MYO15A: variants seen among roughly 807,000 people sequenced by gnomAD.
MYO15A encodes the protein unconventional myosin-XV.
MYO15A carries 308 observed loss-of-function variants against 394.6 expected under a neutral mutation model. The ratio of observed to expected loss-of-function variants is 0.78; its 90% CI spans 0.71 to 0.86. MYO15A has a LOEUF of 0.86. Ranked by LOEUF, MYO15A falls within the 40% of genes least tolerant of loss-of-function variation. MYO15A has a pLI of 0.00. For missense variants in MYO15A, 4,606 were observed against 4,799.1 expected (o/e 0.96, Z 1.19); for synonymous variants, 1,957 against 2,003.8 (o/e 0.98, Z 0.62).
chr17:18,157,105 G>A, intron 49 of MYO15A, 40 bp downstream of exon 49: 1 of 1,612,250 alleles, frequency 6.2e-7, no homozygotes, highest in Non-Finnish European at 8.5e-7. Flanking sequence ...GGAGGGGGAG[G>A]CTGGCCAAGG....
At chr17:18,177,214 C>T (rs2047026519) in intron 65 of MYO15A, 1 of 152,184 alleles carries the variant, frequency 6.6e-6, no homozygotes, top group African/African-American at 2.4e-5. Flanking sequence ...CAGCTCTGGC[C>T]CTCACAGAGC....
intron 62 of MYO15A, among the ~76,000 whole-genome samples, chr17:18,168,795 T>G (rs1450687159): frequency 3.9e-5 from 6 of 151,984 alleles, no homozygotes; most frequent in Non-Finnish European, 7.4e-5. Context: ...TCAAGACCTT[T>G]TTACACTCTT....
intron 17 of MYO15A, 54 bp downstream of exon 17, chr17:18,138,300 T>C: frequency 6.3e-7 from 1 of 1,591,658 alleles, no homozygotes; most frequent in Non-Finnish European, 8.5e-7. Flanking sequence ...CTCAGCCTCA[T>C]GTCCTCATCC....
chr17:18,135,556 G>T (rs1210480851), intron 12 of MYO15A, among the ~76,000 whole-genome samples, 155 bp from the exon 13 acceptor site: 1 of 151,994 alleles, frequency 6.6e-6, no homozygotes, highest in Non-Finnish European at 1.5e-5. Context: ...GGTCAGGTTG[G>T]TCTCGAACTC....
At position 18,130,737 on chromosome 17, in the gene MYO15A, C is replaced by T. The variant is rs201818460; in HGVS notation, c.4033-68C>T. 1,186 of 1,609,514 alleles carry T rather than the reference C, an allele frequency of 7.4e-4. 24 individuals carry two copies. The South Asian group carries it at 0.011, about 15-fold the overall frequency. On this transcript the variant is annotated intron_variant, in intron 7 of 65. Coordinates refer to ENST00000647165, the MANE Select transcript of MYO15A (RefSeq NM_016239.4). ...CTAGTCTCCTGGAGAGAGTGGTGGT[C>T]GGTCCTGCTAGTGACTCCATTCTGT...
chr17:18,137,486 T>C, intron 15 of MYO15A, 98 bp from the exon 16 acceptor site: 1 of 1,013,528 alleles, frequency 9.9e-7, no homozygotes, highest in Non-Finnish European at 1.5e-6. Context: ...GGCCTGTGGC[T>C]GAGCTCCAGC....
chr17:18,120,037 TG>T lies in MYO15A; in HGVS notation c.1240del (p.Val414TyrfsTer30). 1 of 1,613,562 alleles carries T rather than the reference TG, an allele frequency of 6.2e-7. No individual in the cohort carries two copies. Among genetic ancestry groups the T allele is most frequent in the South Asian group, 1.1e-5 (1 of 91,084 alleles). ...EESASAFVYP[W>X]VPPPIPSPHN... ...GTCGGCTTCGGCCTTTGTGTACCCCTGGGTACCACCGCCCATCCCGTCGCCC... is the reference window on the plus strand; with the variant it reads ...GTCGGCTTCGGCCTTTGTGTACCCCTGGTACCACCGCCCATCCCGTCGCCC... On this transcript the variant is annotated frameshift_variant, in exon 2 of 66. Transcript: ENST00000647165. LOFTEE classifies it high-confidence loss of function.
At chr17:18,126,735 C>CTGGGAGGTG in intron 5 of MYO15A, 56 bp from the exon 6 acceptor site, 1 of 1,574,200 alleles carries the variant, frequency 6.4e-7, no homozygotes, top group Non-Finnish European at 8.7e-7. Flanking sequence ...TGCCCAATCC[C>CTGGGAGGTG]TGGGAGGTGT....
At chr17:18,149,693 G>A (rs2046545015) in intron 35 of MYO15A, 113 bp downstream of exon 35, 1 of 1,097,964 alleles carries the variant, frequency 9.1e-7, no homozygotes, top group Non-Finnish European at 1.4e-6. Flanking sequence ...GTCATGGGGT[G>A]GTGTGTCCCA....
In MYO15A at chr17:18,139,571, G is replaced by A. The variant is rs774345883; in HGVS notation, c.5171G>A (p.Arg1724His). 17 of 1,613,942 alleles carry A rather than the reference G, an allele frequency of 1.1e-5. No individual in the cohort carries two copies. In the African/African-American group the frequency reaches 1.6e-4, roughly 15 times the overall value. ...KFLDKNHDQV[R>H]QDVLDLFVRS... is the part of the protein sequence containing the mutation. ...CTGGACAAGAACCACGACCAAGTGC[G>A]CCAGGATGTGCTGGACCTGTTCGTA... Residue 1724 changes from arginine (R) to histidine (H), a missense_variant, in exon 19 of 66, where the codon CGC becomes CAC. Transcript: ENST00000647165.
At position 18,157,880 on chromosome 17, in the gene MYO15A, G is replaced by A. The variant is rs2046706325; in HGVS notation, c.8947G>A (p.Glu2983Lys). 1.3e-6 allele frequency: 2 copies of A among 1,536,486 alleles called. No homozygotes were observed. The highest frequency in any genetic ancestry group is 1.7e-6 in the Non-Finnish European group (2 of 1,148,882). ...AAVASAAAAQ[E>K]VGRRREGPPV... ...TGTGGCCTCTGCAGCCGCTGCACAGGAGGTGGGCCGCAGGAGAGAGGTGAG... is the reference window on the plus strand; with the variant it reads ...TGTGGCCTCTGCAGCCGCTGCACAGAAGGTGGGCCGCAGGAGAGAGGTGAG... The change falls in exon 51 of 66, where the codon GAG becomes AAG. Residue 2983 changes from glutamate to lysine, a missense_variant. Around this residue, in one of 2 missense-constraint regions of MYO15A, gnomAD observed 2,776 missense variants for 3,109.3 expected, o/e 0.89. Transcript: ENST00000647165.
chr17:18,125,328 G>T (rs759546265), intron 4 of MYO15A, 97 bp downstream of exon 4: 158 of 1,174,430 alleles, frequency 1.3e-4, no homozygotes, highest in Non-Finnish European at 1.7e-4. Context: ...GTGGGCCCTA[G>T]CCCCTGTGGC....
At position 18,128,845 on chromosome 17, in the gene MYO15A, GA is replaced by G. The variant is rs200325983; in HGVS notation, c.4032+1681del. Among the ~76,000 whole-genome samples the G allele has an allele frequency of 5.7e-4, 86 of 152,184 alleles. 1 individual carries two copies. The East Asian group carries it at 0.016, about 28-fold the overall frequency. ...TCCATGGCAGAGAGCTGTCAGGGAG[GA>G]CGGATGGAGCTGTGGATGTGGCTGA... On this transcript the variant is annotated intron_variant, in intron 7 of 65. Transcript: ENST00000647165.
At position 18,153,816 on chromosome 17, in the gene MYO15A, C is replaced by A; in HGVS notation, c.8008C>A (p.Gln2670Lys). The change falls in exon 43 of 66, where the codon CAG becomes AAG. Residue 2670 changes from glutamine to lysine, a missense_variant. By Grantham distance (53) the Gln-to-Lys change is moderately conservative. Transcript: ENST00000647165. The surrounding 1 kb of genome is among the most constrained non-coding windows in gnomAD (Gnocchi z 4.1). The stretch of plus-strand genomic sequence containing the variant: ...GCTGGAGCCCCCTGAGGAACTCACG[C>A]AGACGCGGCTGCACCGCCTCATCAA... ...RSLEPPEELT[Q>K]TRLHRLINPN... 6.2e-7 allele frequency: 1 copy of A among 1,613,732 alleles called. No homozygotes were observed. Among genetic ancestry groups the A allele is most frequent in the Non-Finnish European group, 8.5e-7 (1 of 1,179,990 alleles).
intron 2 of MYO15A, chr17:18,122,641 T>C: frequency 1.6e-6 from 1 of 606,648 alleles, no homozygotes. Context: ...GGAAACTGCT[T>C]CCAGGTCACT....
At chr17:18,163,570 A>G (rs780540744) in intron 59 of MYO15A, among the ~76,000 whole-genome samples, 172 bp from the exon 60 acceptor site, 1 of 152,210 alleles carries the variant, frequency 6.6e-6, no homozygotes, top group African/African-American at 2.4e-5. Context: ...TCAGACCACA[A>G]GCTGTGTTCT....
At chr17:18,156,643 C>T (rs893421365) in intron 48 of MYO15A, among the ~76,000 whole-genome samples, 2 of 152,212 alleles carry the variant, frequency 1.3e-5, no homozygotes, top group Admixed American at 6.5e-5. Flanking sequence ...TCCCCTCTGC[C>T]CACTCCTGAC....
At chr17:18,130,868 G>GTGTGTCTGTC in intron 8 of MYO15A, 58 bp downstream of exon 8, 1 of 1,446,192 alleles carries the variant, frequency 6.9e-7, no homozygotes, top group Admixed American at 1.8e-5. Flanking sequence ...GTGTGTGTGT[G>GTGTGTCTGTC]TGTCTGTCCA....
At chr17:18,169,115 AAATAATAATAATAATAAT>A (rs368379543) in intron 62 of MYO15A, among the ~76,000 whole-genome samples, 25 of 128,496 alleles carry the variant, frequency 1.9e-4, no homozygotes, top group Admixed American at 2.4e-4. Flanking sequence ...CTCCATCTCA[AAATAATAATAATAATAAT>A]AATAATAATA....
Sources: allele counts gnomAD v4.1 joint callset (sites outside exome capture counted in the v4.1 genomes callset), GRCh38; gene constraint gnomAD v4.1.1; regional missense constraint gnomAD v4.1.1; non-coding constraint Gnocchi (gnomAD v3.1); transcripts MANE v1.5; gene names NCBI Gene and HGNC (gene_info 2026-07-23, HGNC 2026-07-21).